MYH7: variants seen among roughly 807,000 people sequenced by gnomAD.
MYH7 encodes the protein myosin heavy chain 7, also known as myosin-7.
A neutral mutation model predicts 225.4 loss-of-function variants in MYH7; 129 were observed. The ratio of observed to expected loss-of-function variants is 0.57; its 90% confidence interval spans 0.50 to 0.66. The LOEUF is 0.66. Among genes scored for constraint, MYH7 ranks in the 30% least tolerant of loss-of-function variants. The pLI, the probability that MYH7 is intolerant of heterozygous loss-of-function variation, is 0.00. For missense variants in MYH7, 1,649 were observed against 2,517.0 expected (o/e 0.66, Z 7.38); for synonymous variants, 971 against 1,007.6 (o/e 0.96, Z 0.69).
Position 23,428,464 on chromosome 14 carries a change from G to A in MYH7, c.1578+36C>T, listed in dbSNP as rs767942252. On this transcript the variant is annotated intron_variant, in intron 15 of 39. Coordinates refer to ENST00000355349, the MANE Select transcript of MYH7 (RefSeq NM_000257.4). ...TGTCTATGGTGTTCTTGTTGGGTGT[G>A]CAGGGAGAATTCAGGTGGTAAGGCC... 1.9e-6 allele frequency: 3 copies of A among 1,613,798 alleles called. No homozygotes were observed. The African/African-American group carries it at 4.0e-5, about 22-fold the overall frequency.
Position 23,415,165 on chromosome 14 carries a change from G to T in MYH7, c.5389C>A (p.Leu1797Met). The change falls in exon 37 of 40, where the codon CTG (leucine) becomes ATG (methionine). Residue 1797 changes from leucine to methionine, a missense_variant. Leu to Met is a conservative substitution (Grantham distance 15, BLOSUM62 2). Around this residue, in one of 12 missense-constraint regions of MYH7, gnomAD observed 687 missense variants for 913.8 expected, o/e 0.75. Transcript: ENST00000355349. The surrounding 1 kb of genome is among the most constrained non-coding windows in gnomAD (Gnocchi z 6.3). ...AGGGCGATCTGCTCGGCTTCGTCCA[G>T]CCGGTGCTGCAGGTCCTTAATGGTC... Reference protein sequence around the residue: ...EQTIKDLQHRLDEAEQIALKG... With the variant: ...EQTIKDLQHRMDEAEQIALKG... The T allele has an allele frequency of 6.2e-7, 1 of 1,614,230 alleles. No individual in the cohort carries two copies. Among genetic ancestry groups the T allele is most frequent in the Non-Finnish European group, 8.5e-7 (1 of 1,180,048 alleles).
chr14:23,413,067 G>A (rs1892039337), intron 39 of MYH7, among the ~76,000 whole-genome samples, 196 bp from the exon 40 acceptor site: 1 of 152,200 alleles, frequency 6.6e-6, no homozygotes, highest in Non-Finnish European at 1.5e-5. Flanking sequence ...AGGGTTCTGG[G>A]GTTGGTCAGA....
chr14:23,431,510 GT>G (rs1566537128), intron 8 of MYH7, 29 bp from the exon 9 acceptor site: 1 of 1,613,950 alleles, frequency 6.2e-7, no homozygotes, highest in South Asian at 1.1e-5. Flanking sequence ...GTGGTGATGA[GT>G]TGGGGGAAGG....
chr14:23,424,296 AAG>A (rs1892606328), intron 22 of MYH7, 147 bp from the exon 23 acceptor site: 3 of 1,099,056 alleles, frequency 2.7e-6, no homozygotes, highest in African/African-American at 1.6e-5. Context: ...TGGGGAGGGG[AAG>A]AGTTTCAGGA....
chr14:23,416,423 G>T (rs1214654338), intron 33 of MYH7, 111 bp from the exon 34 acceptor site: 1 of 1,207,312 alleles, frequency 8.3e-7, no homozygotes, highest in East Asian at 2.3e-5. Context: ...GGTGTAAGTG[G>T]TTCAAAGAAG....
rs199552354 is a variant in MYH7, at chr14:23,420,189, C to T, written c.3382G>A (p.Ala1128Thr). 112 of 1,607,000 alleles carry T rather than the reference C, an allele frequency of 7.0e-5. No individual in the cohort carries two copies. Among genetic ancestry groups the T allele is most frequent in the Middle Eastern group, 6.8e-4 (4 of 5,874 alleles). ...LEEELEAERTARAKVEKLRSD... is the reference protein window; with the variant it reads ...LEEELEAERTTRAKVEKLRSD... ...CGCAGCTTCTCCACCTTAGCCCTGG[C>T]GGTGCGCTCGGCCTCCAGCTCCTCC... is the stretch of plus-strand genomic sequence containing the variant. The change falls in exon 27 of 40, where the codon GCC becomes ACC. Residue 1128 changes from alanine (A) to threonine (T), a missense_variant. This residue lies in a region of MYH7 where 106 missense variants were observed against 198.8 expected (regional missense o/e 0.53). Coordinates refer to ENST00000355349, the MANE Select transcript of MYH7 (RefSeq NM_000257.4).
At chr14:23,428,872 CCA>C (rs1892804608) in intron 14 of MYH7, 81 bp downstream of exon 14, 1 of 1,605,918 alleles carries the variant, frequency 6.2e-7, no homozygotes, top group Non-Finnish European at 8.5e-7. Flanking sequence ...CATGTCTGGT[CCA>C]CAGCTGGCTC....
At chr14:23,421,797 C>A in intron 25 of MYH7, 4 of 985,382 alleles carry the variant, frequency 4.1e-6, no homozygotes, top group Non-Finnish European at 4.8e-6. Flanking sequence ...TTCTTGGTGC[C>A]CTGTGGGCTC....
Position 23,430,566 on chromosome 14 carries a change from G to A in MYH7, c.993C>T (p.Ala331=), listed in dbSNP as rs1380769640. The change falls in exon 11 of 40, where the codon GCC becomes GCT. Residue 331 remains alanine, a synonymous_variant. Transcript: ENST00000355349. ...TGGGTCCTCACACACTCACATCAGT[G>A]GCCATGAGCTCCTCAGCGTCATCAA... The part of the protein sequence containing the change: ...ASIDDAEELM[A]TDNAFDVLGF... 4 of 1,612,970 alleles carry A rather than the reference G, an allele frequency of 2.5e-6. No homozygotes were observed. The highest frequency in any genetic ancestry group is 2.2e-5 in the East Asian group (1 of 44,878).
chr14:23,432,861 TAGAGAA>T, intron 4 of MYH7, 66 bp from the exon 5 acceptor site: 1 of 1,598,344 alleles, frequency 6.3e-7, no homozygotes, highest in Non-Finnish European at 8.6e-7. Context: ...TTTTGGGAGT[TAGAGAA>T]AGATCCCAGG....
At chr14:23,430,481 T>A (rs1415966875) in intron 11 of MYH7, 79 bp downstream of exon 11, 1 of 1,155,344 alleles carries the variant, frequency 8.7e-7, no homozygotes, top group East Asian at 2.4e-5. Flanking sequence ...ATGGCCAGCG[T>A]CTTAGCTCTG....
At position 23,415,084 on chromosome 14, in the gene MYH7, T is replaced by C. The variant is rs769112519; in HGVS notation, c.5470A>G (p.Asn1824Asp). 54 of 1,613,740 alleles carry C rather than the reference T, an allele frequency of 3.3e-5. No individual in the cohort carries two copies. Among genetic ancestry groups the C allele is most frequent in the Middle Eastern group, 1.7e-4 (1 of 6,058 alleles). Residue 1824 changes from asparagine to aspartate, a missense_variant, in exon 37 of 40, where the codon AAT becomes GAT. Physicochemically the swap from Asn to Asp is conservative, Grantham distance 23. Transcript: ENST00000355349. This position sits in a 1 kb window ranked among gnomAD's most constrained non-coding sequence, Gnocchi z 6.3. ...KLEARVRELE[N>D]ELEAEQKRNA... Reference sequence around the variant, plus strand: ...CGCTTCTGCTCGGCCTCCAGCTCATTCTCCAGCTCCCGCACCCGCGCTTCC... The same window carrying C: ...CGCTTCTGCTCGGCCTCCAGCTCATCCTCCAGCTCCCGCACCCGCGCTTCC...
chr14:23,416,749 C>T, intron 33 of MYH7, 119 bp downstream of exon 33: 2 of 1,522,536 alleles, frequency 1.3e-6, no homozygotes, highest in South Asian at 2.3e-5. Context: ...ATGTGCCAGG[C>T]TCTGTCCTAG....
chr14:23,416,631 T>A (rs1452324610), intron 33 of MYH7, among the ~76,000 whole-genome samples: 1 of 151,966 alleles, frequency 6.6e-6, no homozygotes, highest in East Asian at 1.9e-4. Context: ...CCGGGAGGTA[T>A]GTGGAAATGG....
rs1049143434 is a variant in MYH7 at position 23,424,161 on chromosome 14, G to A, written c.2680-12C>T. 2.5e-6 allele frequency: 4 copies of A among 1,613,956 alleles called. No individual in the cohort carries two copies. Among genetic ancestry groups the A allele is most frequent in the Non-Finnish European group, 3.4e-6 (4 of 1,180,050 alleles). ...AGGTTGTCTTGTTCCTGAAGGTGAG[G>A]AACAGAGGGGAGGCTGTTCAGGGGG... On this transcript the variant is annotated splice_polypyrimidine_tract_variant and intron_variant, in intron 22 of 39. Transcript: ENST00000355349.
intron 2 of MYH7, 74 bp downstream of exon 2, chr14:23,434,120 T>C: frequency 1.1e-6 from 1 of 936,102 alleles, no homozygotes. Flanking sequence ...AAACTAGAGT[T>C]CCATAGGCTG....
At position 23,431,007 on chromosome 14, in the gene MYH7, C is replaced by A. The variant is rs763178268; in HGVS notation, c.797-8G>T. On this transcript the variant is annotated splice_region_variant and splice_polypyrimidine_tract_variant and intron_variant, in intron 9 of 39. Transcript: ENST00000355349. The stretch of plus-strand genomic sequence containing the variant: ...TGGATTTTTCCAGAAGATCTGTGAA[C>A]AGGTGGGGAGAAGAAGGAGAGAAAG... 2.5e-6 allele frequency: 4 copies of A among 1,594,348 alleles called. No homozygotes were observed. Among genetic ancestry groups the A allele is most frequent in the Non-Finnish European group, 2.6e-6 (3 of 1,162,076 alleles).
Position 23,420,087 on chromosome 14 carries a change from C to G in MYH7, c.3484G>C (p.Glu1162Gln). The G allele has an allele frequency of 6.3e-7, 1 of 1,598,474 alleles. No individual in the cohort carries two copies. Among genetic ancestry groups the G allele is most frequent in the Non-Finnish European group, 8.5e-7 (1 of 1,172,492 alleles). Reference protein sequence around the residue: ...EAGGATSVQIEMNKKREAEFQ... With the variant: ...EAGGATSVQIQMNKKREAEFQ... ...TCGGCCTCGCGCTTCTTGTTCATCT[C>G]GATCTGCACGGACGTGGCCCCGCCG... Residue 1162 changes from glutamate (E) to glutamine (Q), a missense_variant, in exon 27 of 40, where the codon GAG becomes CAG. By Grantham distance (29) the Glu-to-Gln change is conservative. Coordinates refer to ENST00000355349, the MANE Select transcript of MYH7 (RefSeq NM_000257.4).
intron 37 of MYH7, among the ~76,000 whole-genome samples, chr14:23,414,377 G>A (rs749416970): frequency 3.3e-5 from 5 of 152,210 alleles, no homozygotes; most frequent in Admixed American, 6.5e-5. Flanking sequence ...TTCAGGGTCC[G>A]GGGACCCCAT....
Sources: allele counts gnomAD v4.1 joint callset (sites outside exome capture counted in the v4.1 genomes callset), GRCh38; gene constraint gnomAD v4.1.1; regional missense constraint gnomAD v4.1.1; non-coding constraint Gnocchi (gnomAD v3.1); transcripts MANE v1.5; gene names NCBI Gene and HGNC (gene_info 2026-07-23, HGNC 2026-07-21).